Variants in NLRP7 observed in about 807,000 individuals in gnomAD.
NLRP7 encodes the protein NLR family pyrin domain containing 7.
Under a neutral mutation model 85.5 loss-of-function variants are expected in NLRP7, and 72 were observed. That is an observed-to-expected ratio of 0.84 (90% CI 0.70 to 1.02). The LOEUF is 1.02. NLRP7 is among the 50% of genes least tolerant of loss of function. The pLI is 0.00. For missense variants in NLRP7, 1,243 were observed against 1,219.5 expected, an observed-to-expected ratio of 1.02 and a Z score of -0.29; for synonymous variants, 550 against 505.2, an observed-to-expected ratio of 1.09 and a Z score of -1.19.
intron 1 of NLRP7, among the ~76,000 whole-genome samples, chr19:54,956,988 C>G (rs1262166018): frequency 6.7e-6 from 1 of 148,856 alleles, no homozygotes; most frequent in African/African-American, 2.5e-5. Context: ...GTCTCTACGC[C>G]TTTTCATTTA....
chr19:54,932,210 T>C (rs28499462), intron 8 of NLRP7, among the ~76,000 whole-genome samples: 45,691 of 151,740 alleles, frequency 0.3, 7,190 homozygotes, highest in East Asian at 0.41. Context: ...GGCAGATCAC[T>C]TAAGGCCAGG....
At position 54,934,735 on chromosome 19, in the gene NLRP7, A is replaced by G. The variant is rs2068832994; in HGVS notation, c.2301-76T>C. On this transcript the variant is annotated intron_variant, in intron 6 of 9. Coordinates refer to ENST00000340844, the Ensembl canonical transcript of NLRP7. This position sits in a 1 kb window ranked among gnomAD's most constrained non-coding sequence, Gnocchi z 6.7. ...TATCAGCTTTTTTTTTTTGAGACAG[A>G]GTTTCACTCTGTTGCCCAGTCTGGA... The G allele has an allele frequency of 2.4e-6, 3 of 1,237,776 alleles. No individual in the cohort carries two copies. In the African/African-American group the frequency reaches 4.6e-5, roughly 19 times the overall value. 76.7% of individuals were successfully genotyped at this position (1,237,776 alleles called of 1,614,324 possible). A position where few individuals can be genotyped will look rare whatever the true frequency, so the allele number is the denominator to read the frequency against.
intron 1 of NLRP7, among the ~76,000 whole-genome samples, chr19:54,945,462 G>T (rs1434918096): frequency 6.6e-6 from 1 of 151,584 alleles, no homozygotes; most frequent in African/African-American, 2.4e-5. Flanking sequence ...TACAAACGGG[G>T]TTTCACCATG....
chr19:54,956,392 A>G (rs1239876877), intron 1 of NLRP7, among the ~76,000 whole-genome samples: 1 of 151,876 alleles, frequency 6.6e-6, no homozygotes, highest in African/African-American at 2.4e-5. Flanking sequence ...GTTGAGTGTG[A>G]AAGTAGGAAA....
chr19:54,955,538 C>T (rs148584663), intron 1 of NLRP7, among the ~76,000 whole-genome samples: 233 of 152,232 alleles, frequency 1.5e-3, no homozygotes, highest in Non-Finnish European at 2.2e-3. Context: ...AGCACAGTGG[C>T]TGTAAGCCCA....
upstream of NLRP7, chr19:54,947,763 A>C: frequency 2.7e-6 from 2 of 747,278 alleles, no homozygotes; most frequent in Non-Finnish European, 4.0e-6. Flanking sequence ...CCCTTCCTAG[A>C]CCACCCGGGC....
At chr19:54,937,892 C>T (rs1207686735) in intron 5 of NLRP7, 152 bp downstream of exon 5, 29 of 695,544 alleles carry the variant, frequency 4.2e-5, no homozygotes, top group Admixed American at 2.9e-4. Context: ...AGTAAATCTC[C>T]GTCTCACCAA....
At chr19:54,948,018 C>T (rs576616606), upstream of NLRP7, among the ~76,000 whole-genome samples, 4 of 152,302 alleles carry the variant, frequency 2.6e-5, no homozygotes, top group East Asian at 5.8e-4. Flanking sequence ...CAGTGGATCC[C>T]TAGGGGCCAG....
intron 1 of NLRP7, among the ~76,000 whole-genome samples, chr19:54,962,828 T>A (rs558328409): frequency 2.0e-5 from 3 of 150,572 alleles, no homozygotes; most frequent in Admixed American, 6.7e-5. Context: ...CTCCATCTCC[T>A]GACCTCGTGA....
At chr19:54,942,278 AAAAG>A (rs2069267246) in intron 1 of NLRP7, among the ~76,000 whole-genome samples, 2 of 150,332 alleles carry the variant, frequency 1.3e-5, no homozygotes, top group Admixed American at 6.7e-5. Flanking sequence ...AAAAAAAAAA[AAAAG>A]AATACAAAGA....
At chr19:54,954,029 A>AAAGGGCAACCGAGGCC (rs1569542171) in intron 1 of NLRP7, among the ~76,000 whole-genome samples, 3 of 149,098 alleles carry the variant, frequency 2.0e-5, no homozygotes, top group African/African-American at 7.4e-5. Flanking sequence ...AATAAATAAA[A>AAAGGGCAACCGAGGCC]ATAAATAAAG....
chr19:54,964,211 G>GTTT (rs747785772), intron 1 of NLRP7, among the ~76,000 whole-genome samples: 3 of 52,470 alleles, frequency 5.7e-5, no homozygotes, highest in African/African-American at 1.8e-4. Flanking sequence ...TTTATATGGT[G>GTTT]TTTTTTTTTT....
exon 2 of NLRP7, chr19:54,941,618 A>G: frequency 1.2e-6 from 2 of 1,614,002 alleles, no homozygotes; most frequent in Middle Eastern, 3.3e-4. Flanking sequence ...TCGAGGGGAA[A>G]AGCCCATAAA....
At chr19:54,958,906 C>T (rs2069942934) in intron 1 of NLRP7, among the ~76,000 whole-genome samples, 1 of 152,212 alleles carries the variant, frequency 6.6e-6, no homozygotes, top group African/African-American at 2.4e-5. Flanking sequence ...GGATACATAA[C>T]AGGGGTTTCG....
At chr19:54,933,583 T>C (rs144470243) in exon 8 of NLRP7, 1 of 1,614,042 alleles carries the variant, frequency 6.2e-7, no homozygotes, top group African/African-American at 1.3e-5. Context: ...AGGTCTGCAG[T>C]TTACAATCAG....
rs192204666 is a variant in NLRP7, at chr19:54,944,731, C to T, written c.-40+2738G>A. 3.5e-4 allele frequency among the ~76,000 whole-genome samples: 54 copies of T among 152,114 alleles called. 1 individual carries two copies. The highest frequency in any genetic ancestry group is 1.1e-3 in the African/African-American group (47 of 41,524). Reference sequence around the variant, plus strand: ...GAAGAGCATGAGAGCCCAGGAGTTCCAGACCAGCCTGGGCGACACAAGGAG... The same window carrying T: ...GAAGAGCATGAGAGCCCAGGAGTTCTAGACCAGCCTGGGCGACACAAGGAG... On this transcript the variant is annotated intron_variant, in intron 1 of 9. Coordinates refer to ENST00000340844, the Ensembl canonical transcript of NLRP7.
chr19:54,945,111 C>A (rs1433985542), intron 1 of NLRP7, among the ~76,000 whole-genome samples: 3 of 151,204 alleles, frequency 2.0e-5, no homozygotes, highest in Admixed American at 2.0e-4. Context: ...GGCATGGTGG[C>A]GGGCGCCTGT....
intron 9 of NLRP7, 52 bp downstream of exon 10, chr19:54,927,553 C>G: frequency 6.4e-7 from 1 of 1,565,748 alleles, no homozygotes; most frequent in Non-Finnish European, 8.7e-7. Flanking sequence ...ACGACTCCAT[C>G]TCAAAAAAAC....
intron 1 of NLRP7, among the ~76,000 whole-genome samples, chr19:54,958,889 A>T (rs1381273243): frequency 1.3e-5 from 2 of 152,176 alleles, no homozygotes; most frequent in Admixed American, 1.3e-4. Context: ...TGATTGAGCA[A>T]TCTAGGGGAT....
Sources: allele counts gnomAD v4.1 joint callset (sites outside exome capture counted in the v4.1 genomes callset), GRCh38; gene constraint gnomAD v4.1.1; non-coding constraint Gnocchi (gnomAD v3.1); transcripts MANE v1.5; gene names NCBI Gene and HGNC (gene_info 2026-07-23, HGNC 2026-07-21).